Variants in ZNF395 observed in about 807,000 individuals in gnomAD.
ZNF395 encodes the protein zinc finger protein 395, also known as HD gene regulatory region-binding protein 2.
A neutral mutation model predicts 57.7 loss-of-function variants in ZNF395; 20 were observed. That is an observed-to-expected ratio of 0.35 (90% CI 0.24 to 0.50). ZNF395 has a LOEUF of 0.50. Among genes scored for constraint, ZNF395 ranks in the 20% least tolerant of loss-of-function variants. The pLI, the probability that ZNF395 is intolerant of heterozygous loss-of-function variation, is 0.97. For missense variants in ZNF395, 606 were observed against 671.2 expected (o/e 0.90, Z 1.07); for synonymous variants, 295 against 275.9 (o/e 1.07, Z -0.69).
intron 1 of ZNF395, among the ~76,000 whole-genome samples, chr8:28,372,339 C>T (rs182529095): frequency 7.2e-5 from 11 of 152,204 alleles, no homozygotes; most frequent in East Asian, 5.8e-4. Flanking sequence ...AGCAAAAGTG[C>T]GCGATAAATG....
intron 7 of ZNF395, among the ~76,000 whole-genome samples, chr8:28,350,665 A>C (rs1446585031): frequency 6.6e-6 from 1 of 152,262 alleles, no homozygotes; most frequent in Non-Finnish European, 1.5e-5. Context: ...TGGGCCAAAC[A>C]TGAAATCGCT....
At chr8:28,350,194 AG>A (rs761129313) in intron 7 of ZNF395, 38 bp from the exon 8 acceptor site, 18 of 1,552,198 alleles carry the variant, frequency 1.2e-5, no homozygotes, top group African/African-American at 2.7e-5. Context: ...ATTCTAGCTC[AG>A]GAAGTGTTCA....
rs1801775645 is a variant in ZNF395, at chr8:28,356,106, T to C, written c.583+564A>G. 6.6e-6 allele frequency among the ~76,000 whole-genome samples: 1 copy of C among 152,136 alleles called. No homozygotes were observed. Among genetic ancestry groups the C allele is most frequent in the Admixed American group, 6.5e-5 (1 of 15,282 alleles). ...TTTTTCCCTCATATTATTGATAAAG[T>C]ATTTTGGGGTTGCAACTATAGCAAT... On this transcript the variant is annotated intron_variant, in intron 4 of 9. Transcript: ENST00000344423. This position sits in a 1 kb window ranked among gnomAD's most constrained non-coding sequence, Gnocchi z 4.0.
chr8:28,350,466 AACATGCCATGGC>A (rs1801668054), intron 7 of ZNF395, among the ~76,000 whole-genome samples: 1 of 152,216 alleles, frequency 6.6e-6, no homozygotes, highest in African/African-American at 2.4e-5. Context: ...ACCTACCAAG[AACATGCCATGGC>A]ACGTGCCAAA....
chr8:28,348,685 A>G lies in ZNF395; in HGVS notation c.*34T>C. On this transcript the variant is annotated 3_prime_UTR_variant, in exon 10 of 10. Transcript: ENST00000344423. ...TGGCCTCTTGTCAGTGGCTGCCGGCAGGGCCAGGAACAGAGTAGAACCTGC... is the reference window on the plus strand; with the variant it reads ...TGGCCTCTTGTCAGTGGCTGCCGGCGGGGCCAGGAACAGAGTAGAACCTGC... 1.3e-6 allele frequency: 2 copies of G among 1,593,154 alleles called. No homozygotes were observed. The highest frequency in any genetic ancestry group is 1.7e-6 in the Non-Finnish European group (2 of 1,161,438).
chr8:28,348,506 AG>A lies in ZNF395; in HGVS notation c.*212del. On this transcript the variant is annotated 3_prime_UTR_variant, in exon 10 of 10. Transcript: ENST00000344423. ...GTCAGTTTTGGCTCTCTCCTATTTT[AG>A]GGGGAAAAATATTTTTGTTTCTTTT... The A allele has an allele frequency of 1.9e-6, 1 of 527,650 alleles. No homozygotes were observed. Among genetic ancestry groups the A allele is most frequent in the Admixed American group, 3.2e-5 (1 of 31,554 alleles). 32.7% of individuals were successfully genotyped at this position (527,650 alleles called of 1,614,324 possible).
chr8:28,371,042 C>T (rs1395481223), intron 1 of ZNF395, among the ~76,000 whole-genome samples: 2 of 152,216 alleles, frequency 1.3e-5, no homozygotes, highest in South Asian at 2.1e-4. Flanking sequence ...ACAAATAACC[C>T]ATGAGATTAT....
chr8:28,350,943 A>G (rs1166012025), intron 7 of ZNF395, among the ~76,000 whole-genome samples: 1 of 152,222 alleles, frequency 6.6e-6, no homozygotes, highest in Non-Finnish European at 1.5e-5. Context: ...TGGTACCTAC[A>G]ACACCTTCTC....
rs1196406156 is a variant in ZNF395 at position 28,346,866 on chromosome 8, G to A, written c.*1853C>T. Reference sequence around the variant, plus strand: ...GCTCTTAATTCTCAAGGAGATCGAAGGGACAGGAAGGAGAGCCCTGCGCCA... The same window carrying A: ...GCTCTTAATTCTCAAGGAGATCGAAAGGACAGGAAGGAGAGCCCTGCGCCA... On this transcript the variant is annotated 3_prime_UTR_variant, in exon 10 of 10. Coordinates refer to ENST00000344423, the MANE Select transcript of ZNF395 (RefSeq NM_018660.3). The A allele has an allele frequency of 6.6e-6, 1 of 152,064 alleles. No homozygotes were observed. The highest frequency in any genetic ancestry group is 1.5e-5 in the Non-Finnish European group (1 of 68,014). The allele number at this position is 152,064 out of a possible 1,614,324, so 9.4% of individuals were successfully genotyped here. A position where few individuals can be genotyped will look rare whatever the true frequency, so the allele number is the denominator to read the frequency against.
At chr8:28,367,854 C>A (rs1282792750) in intron 1 of ZNF395, among the ~76,000 whole-genome samples, 4 of 152,200 alleles carry the variant, frequency 2.6e-5, no homozygotes, top group African/African-American at 9.6e-5. Context: ...AGAAAGAATA[C>A]CTGCTGCTGG....
rs143090324 is a variant in ZNF395 at position 28,349,502 on chromosome 8, C to T, written c.1327-274G>A. Among the ~76,000 whole-genome samples, 296 of 152,308 alleles carry T rather than the reference C, an allele frequency of 1.9e-3. 2 individuals carry two copies. Among genetic ancestry groups the T allele is most frequent in the Middle Eastern group, 6.8e-3 (2 of 294 alleles). On this transcript the variant is annotated intron_variant, in intron 8 of 9. Coordinates refer to ENST00000344423, the MANE Select transcript of ZNF395 (RefSeq NM_018660.3). ...CTCCTGCAGGGGACTTAGACGGAGCCGCTATGCCTGGAAGCCTCACACTGC... is the reference window on the plus strand; with the variant it reads ...CTCCTGCAGGGGACTTAGACGGAGCTGCTATGCCTGGAAGCCTCACACTGC...
chr8:28,380,437 G>A (rs868076333), intron 1 of ZNF395, among the ~76,000 whole-genome samples: 12 of 152,248 alleles, frequency 7.9e-5, no homozygotes, highest in African/African-American at 2.4e-4. Flanking sequence ...TAACAAATCT[G>A]ATGAGCGCGC....
At position 28,348,027 on chromosome 8, in the gene ZNF395, T is replaced by G. The variant is rs1801628996; in HGVS notation, c.*692A>C. The stretch of plus-strand genomic sequence containing the variant: ...TTGGCTCAGCTATTTGGCGACAGTC[T>G]TTTAAAAAACCTCTTTCTCTGGGCT... On this transcript the variant is annotated 3_prime_UTR_variant, in exon 10 of 10. Transcript: ENST00000344423. The G allele has an allele frequency of 6.6e-6, 1 of 152,192 alleles. No individual in the cohort carries two copies. Among genetic ancestry groups the G allele is most frequent in the South Asian group, 2.1e-4 (1 of 4,828 alleles). The allele number at this position is 152,192 out of a possible 1,614,324, so 9.4% of individuals were successfully genotyped here.
intron 1 of ZNF395, among the ~76,000 whole-genome samples, chr8:28,372,421 G>A (rs906230483): frequency 6.6e-6 from 1 of 152,206 alleles, no homozygotes; most frequent in Non-Finnish European, 1.5e-5. Flanking sequence ...TTATCAGAAA[G>A]AGTTTGTGCA....
intron 1 of ZNF395, among the ~76,000 whole-genome samples, chr8:28,371,025 A>G (rs946515581): frequency 3.3e-5 from 5 of 152,170 alleles, no homozygotes; most frequent in African/African-American, 1.2e-4. Context: ...GTCTCATTTA[A>G]TCCCCCACAA....
At chr8:28,353,640 C>A (rs1801746045) in intron 4 of ZNF395, among the ~76,000 whole-genome samples, 1 of 152,188 alleles carries the variant, frequency 6.6e-6, no homozygotes, top group African/African-American at 2.4e-5. Flanking sequence ...AGAAACCTAA[C>A]TGAAATTTCT....
At chr8:28,378,136 C>A (rs564786129) in intron 1 of ZNF395, among the ~76,000 whole-genome samples, 49 of 152,288 alleles carry the variant, frequency 3.2e-4, no homozygotes, top group African/African-American at 1.2e-3. Context: ...CCACCACCAA[C>A]CTTCTTGCTT....
intron 4 of ZNF395, among the ~76,000 whole-genome samples, chr8:28,354,486 T>A (rs1254336694): frequency 6.6e-6 from 1 of 152,196 alleles, no homozygotes; most frequent in African/African-American, 2.4e-5. Flanking sequence ...AAAATCCTGC[T>A]GCCTTTCTCT....
chr8:28,367,675 C>G (rs976365352), intron 1 of ZNF395, among the ~76,000 whole-genome samples: 1 of 152,274 alleles, frequency 6.6e-6, no homozygotes, highest in South Asian at 2.1e-4. Context: ...TTCACACTAC[C>G]CTATTACACA....
Sources: allele counts gnomAD v4.1 joint callset (sites outside exome capture counted in the v4.1 genomes callset), GRCh38; gene constraint gnomAD v4.1.1; non-coding constraint Gnocchi (gnomAD v3.1); transcripts MANE v1.5; gene names NCBI Gene and HGNC (gene_info 2026-07-23, HGNC 2026-07-21).